The following CNTNAP5 variants were observed in gnomAD, a reference collection of about 807,000 sequenced individuals.
CNTNAP5 encodes contactin-associated protein-like 5.
A neutral mutation model predicts 150.2 loss-of-function variants in CNTNAP5; 72 were observed. The observed-to-expected ratio is 0.48, with a 90% CI of 0.40 to 0.58. The LOEUF (loss-of-function observed/expected upper bound fraction) is 0.58. CNTNAP5 is among the 20% of genes least tolerant of loss of function. CNTNAP5 has a pLI of 0.00. For synonymous variants in CNTNAP5, 672 were observed against 619.8 expected, an observed-to-expected ratio of 1.08 and a Z score of -1.25; for missense variants, 1,636 against 1,626.2, an observed-to-expected ratio of 1.01 and a Z score of -0.10.
At chr2:124,708,840 G>A (rs1300687693) in intron 13 of CNTNAP5, among the ~76,000 whole-genome samples, 1 of 152,172 alleles carries the variant, frequency 6.6e-6, no homozygotes, top group Non-Finnish European at 1.5e-5. Flanking sequence ...TGGTGAATCA[G>A]CAATTGTTTA....
chr2:124,357,453 G>A (rs918438725), intron 3 of CNTNAP5, among the ~76,000 whole-genome samples: 6 of 151,982 alleles, frequency 3.9e-5, no homozygotes, highest in African/African-American at 9.7e-5. Flanking sequence ...TAACATTTAA[G>A]TCTTTAATCC....
intron 1 of CNTNAP5, among the ~76,000 whole-genome samples, chr2:124,027,356 A>C (rs1680921168): frequency 6.6e-6 from 1 of 152,218 alleles, no homozygotes; most frequent in Non-Finnish European, 1.5e-5. Context: ...GCGTGGCAGC[A>C]AGCTAGCTGT....
intron 1 of CNTNAP5, among the ~76,000 whole-genome samples, chr2:124,034,907 G>A (rs1681167667): frequency 6.6e-6 from 1 of 152,006 alleles, no homozygotes; most frequent in African/African-American, 2.4e-5. Flanking sequence ...ATGGCATTAA[G>A]TATTCCTATT....
At chr2:124,707,056 G>GAGGAA (rs1558743516) in intron 13 of CNTNAP5, among the ~76,000 whole-genome samples, 2 of 138,064 alleles carry the variant, frequency 1.4e-5, no homozygotes, top group African/African-American at 2.8e-5. Context: ...AGGAGGAGGA[G>GAGGAA]GAGGAGAGGA....
intron 13 of CNTNAP5, among the ~76,000 whole-genome samples, chr2:124,742,651 CAT>C (rs60303111): frequency 0.01 from 1,018 of 97,268 alleles, 6 homozygotes; most frequent in African/African-American, 0.03. Flanking sequence ...CACACACACA[CAT>C]ATATATATAT....
Position 124,798,313 on chromosome 2 carries a change from C to T in CNTNAP5, c.3210C>T (p.Cys1070=). The T allele has an allele frequency of 6.2e-7, 1 of 1,609,378 alleles. No homozygotes were observed. The highest frequency in any genetic ancestry group is 8.5e-7 in the Non-Finnish European group (1 of 1,175,768). The change falls in exon 19 of 24, where the codon TGC becomes TGT. Residue 1070 remains cysteine (C), a synonymous_variant. Coordinates refer to ENST00000682447, the MANE Select transcript of CNTNAP5 (RefSeq NM_001367498.1). The stretch of plus-strand genomic sequence containing the variant: ...AGGACTTCGTGGTTGTTCTGCTCTG[C>T]AAGAATGGTGAGTGTGATGGCATGA... ...SSQDFVVVLL[C]KNGSLQVRYH...
intron 13 of CNTNAP5, among the ~76,000 whole-genome samples, chr2:124,730,612 G>T (rs934675261): frequency 6.6e-6 from 1 of 151,810 alleles, no homozygotes; most frequent in African/African-American, 2.4e-5. Flanking sequence ...ACTTTATTTT[G>T]ATTTCATCTG....
At chr2:124,066,182 G>C in intron 1 of CNTNAP5, among the ~76,000 whole-genome samples, 1 of 150,882 alleles carries the variant, frequency 6.6e-6, no homozygotes, top group East Asian at 1.9e-4. Flanking sequence ...CCACCTGAGA[G>C]AGACAGTTTT....
intron 11 of CNTNAP5, among the ~76,000 whole-genome samples, chr2:124,595,040 G>C (rs1486826010): frequency 7.0e-6 from 1 of 143,850 alleles, no homozygotes; most frequent in Non-Finnish European, 1.5e-5. Context: ...ATTTTGGGCT[G>C]AGATGATGGG....
chr2:124,803,900 C>A (rs1486671025), intron 19 of CNTNAP5, among the ~76,000 whole-genome samples: 1 of 152,094 alleles, frequency 6.6e-6, no homozygotes, highest in Non-Finnish European at 1.5e-5. Flanking sequence ...CTCCACATAG[C>A]CCCTCCCTGA....
At chr2:124,398,696 G>A (rs1377523101) in intron 3 of CNTNAP5, among the ~76,000 whole-genome samples, 1 of 152,070 alleles carries the variant, frequency 6.6e-6, no homozygotes, top group Non-Finnish European at 1.5e-5. Flanking sequence ...GGTTAGGCTG[G>A]TCTTGAACTC....
intron 1 of CNTNAP5, among the ~76,000 whole-genome samples, chr2:124,169,618 C>A (rs539492165): frequency 1.3e-5 from 2 of 152,272 alleles, no homozygotes; most frequent in South Asian, 2.1e-4. Flanking sequence ...CTGGAAAACT[C>A]CATTTCTAAG....
intron 12 of CNTNAP5, among the ~76,000 whole-genome samples, chr2:124,639,535 G>C (rs946383726): frequency 1.3e-5 from 2 of 152,108 alleles, no homozygotes; most frequent in African/African-American, 4.8e-5. Context: ...AAAGACAAAG[G>C]CTAGCCCTTT....
At chr2:124,033,256 C>A (rs1324458711) in intron 1 of CNTNAP5, among the ~76,000 whole-genome samples, 2 of 152,098 alleles carry the variant, frequency 1.3e-5, no homozygotes, top group African/African-American at 4.8e-5. Context: ...AAGGGAAATG[C>A]CAAAACACTG....
At chr2:124,591,372 C>T (rs1351728000) in intron 11 of CNTNAP5, among the ~76,000 whole-genome samples, 2 of 152,108 alleles carry the variant, frequency 1.3e-5, no homozygotes, top group Non-Finnish European at 2.9e-5. Context: ...TTGAGCTTTA[C>T]TAGGTATTGC....
At chr2:124,523,514 T>G (rs1418917263) in intron 8 of CNTNAP5, among the ~76,000 whole-genome samples, 1 of 152,096 alleles carries the variant, frequency 6.6e-6, no homozygotes, top group South Asian at 2.1e-4. Flanking sequence ...CAAAACAGTT[T>G]TTTCAGTAAG....
chr2:124,330,424 T>A (rs1323438769), intron 3 of CNTNAP5, among the ~76,000 whole-genome samples: 2 of 152,106 alleles, frequency 1.3e-5, no homozygotes, highest in African/African-American at 4.8e-5. Context: ...ATCCCCATAA[T>A]CCCCACATGT....
At chr2:124,433,347 T>C (rs1692439766) in intron 4 of CNTNAP5, among the ~76,000 whole-genome samples, 1 of 152,220 alleles carries the variant, frequency 6.6e-6, no homozygotes, top group African/African-American at 2.4e-5. Context: ...CTTTGTTCCG[T>C]ATAAATAAAT....
intron 19 of CNTNAP5, among the ~76,000 whole-genome samples, chr2:124,806,073 C>T (rs1170718119): frequency 6.6e-6 from 1 of 152,162 alleles, no homozygotes; most frequent in East Asian, 1.9e-4. Flanking sequence ...AGATGCTGTT[C>T]CATGTGCTCA....
Sources: allele counts gnomAD v4.1 joint callset (sites outside exome capture counted in the v4.1 genomes callset), GRCh38; gene constraint gnomAD v4.1.1; transcripts MANE v1.5; gene names NCBI Gene and HGNC (gene_info 2026-07-23, HGNC 2026-07-21).